The following ADARB1 variants were observed in gnomAD, a reference collection of about 807,000 sequenced individuals.
The protein encoded by ADARB1 is adenosine deaminase RNA specific B1.
A neutral mutation model predicts 52.4 loss-of-function variants in ADARB1; 10 were observed. The ratio of observed to expected loss-of-function variants is 0.19; its 90% CI spans 0.12 to 0.32. The LOEUF (loss-of-function observed/expected upper bound fraction) is 0.32. ADARB1 is among the 10% of genes least tolerant of loss of function. The pLI is 1.00. For synonymous variants in ADARB1, 349 were observed against 371.1 expected (o/e 0.94, Z 0.68); for missense variants, 643 against 922.3 (o/e 0.70, Z 3.92).
intron 1 of ADARB1, among the ~76,000 whole-genome samples, chr21:45,076,907 T>C (rs2085959238): frequency 6.6e-6 from 1 of 152,236 alleles, no homozygotes; most frequent in East Asian, 1.9e-4. Context: ...TCAAAAATGC[T>C]TCTGGCATAA....
intron 2 of ADARB1, among the ~76,000 whole-genome samples, chr21:45,141,565 C>A (rs2089723733): frequency 6.6e-6 from 1 of 152,236 alleles, no homozygotes; most frequent in South Asian, 2.1e-4. Context: ...GGGTGATAGT[C>A]CCCCTAGGTT....
In ADARB1 at chr21:45,225,752, C is replaced by T. The variant is rs965109085; in HGVS notation, c.*3555C>T. 2.4e-6 allele frequency: 1 copy of T among 414,322 alleles called. No homozygotes were observed. The highest frequency in any genetic ancestry group is 2.0e-5 in the African/African-American group (1 of 49,052). 25.7% of individuals were successfully genotyped at this position (414,322 alleles called of 1,614,324 possible). A position where few individuals can be genotyped will look rare whatever the true frequency, so the allele number is the denominator to read the frequency against. ...AAGAAGGAAAATTGGCCATCTTTCC[C>T]ACCTCTAAATTCTGTAAAATTATAG... On this transcript the variant is annotated 3_prime_UTR_variant, in exon 11 of 11. Coordinates refer to ENST00000348831, the MANE Select transcript of ADARB1 (RefSeq NM_001112.4).
At chr21:45,109,436 T>C (rs973570153) in intron 1 of ADARB1, among the ~76,000 whole-genome samples, 1 of 152,232 alleles carries the variant, frequency 6.6e-6, no homozygotes, top group Non-Finnish European at 1.5e-5. Context: ...TAGGCTGTTT[T>C]TCTGTGACCT....
At chr21:45,189,974 G>A (rs1396625868) in intron 8 of ADARB1, among the ~76,000 whole-genome samples, 2 of 151,974 alleles carry the variant, frequency 1.3e-5, no homozygotes, top group East Asian at 3.9e-4. Flanking sequence ...AACTTGTATG[G>A]TCCATTTTTT....
intron 7 of ADARB1, among the ~76,000 whole-genome samples, chr21:45,184,019 G>A (rs918205525): frequency 3.3e-5 from 5 of 151,960 alleles, no homozygotes; most frequent in Admixed American, 3.3e-4. Flanking sequence ...AAGCCCTTAG[G>A]CATTGTTTAT....
chr21:45,218,863 G>C (rs1197402771), intron 9 of ADARB1, among the ~76,000 whole-genome samples: 1 of 111,828 alleles, frequency 8.9e-6, no homozygotes, highest in Admixed American at 8.7e-5. Context: ...TTCAGAATAT[G>C]AGTCTGCCCA....
At chr21:45,211,707 G>T (rs951681207) in intron 9 of ADARB1, among the ~76,000 whole-genome samples, 2 of 152,156 alleles carry the variant, frequency 1.3e-5, no homozygotes, top group African/African-American at 4.8e-5. Context: ...TTCTGATTCA[G>T]CACACTTAAT....
chr21:45,174,064 C>G (rs999858834), intron 3 of ADARB1, among the ~76,000 whole-genome samples: 2 of 152,134 alleles, frequency 1.3e-5, no homozygotes, highest in Non-Finnish European at 2.9e-5. Context: ...TTTAAACATT[C>G]CCATGGATGA....
intron 3 of ADARB1, among the ~76,000 whole-genome samples, chr21:45,175,249 T>C (rs2091645464): frequency 1.3e-5 from 2 of 152,188 alleles, no homozygotes; most frequent in South Asian, 4.1e-4. Context: ...TGAGAGACGC[T>C]GCAATTTAAA....
In ADARB1 at chr21:45,217,896, T is replaced by G. The variant is rs2092897271; in HGVS notation, c.1748-2940T>G. 2.0e-5 allele frequency among the ~76,000 whole-genome samples: 3 copies of G among 152,346 alleles called. No homozygotes were observed. In the South Asian group the frequency reaches 6.2e-4, roughly 32 times the overall value. ...ACTTTAAAGACATTGCTTCCCTGAC[T>G]TGTTGTTTGCGTTGTTTCCAGTAAG... On this transcript the variant is annotated intron_variant, in intron 9 of 10. Transcript: ENST00000348831.
intron 2 of ADARB1, among the ~76,000 whole-genome samples, chr21:45,135,782 G>C (rs546967390): frequency 1.2e-4 from 19 of 152,212 alleles, no homozygotes; most frequent in Admixed American, 1.2e-3. Flanking sequence ...CAGCAGAAAG[G>C]TGTGGCCACA....
rs1405779239 is a variant in ADARB1, at chr21:45,208,614, G to GTA, written c.1747+3879_1747+3880insAT. Among the ~76,000 whole-genome samples, 5 of 152,052 alleles carry GTA rather than the reference G, an allele frequency of 3.3e-5. No individual in the cohort carries two copies. Among genetic ancestry groups the GTA allele is most frequent in the African/African-American group, 1.2e-4 (5 of 41,376 alleles). ...CTGTGAGAGTGTGGAAAGTGTGTGT[G>GTA]TGTATGTGTGCGTGTGTGTGTGTGT... On this transcript the variant is annotated intron_variant, in intron 9 of 10. Coordinates refer to ENST00000348831, the MANE Select transcript of ADARB1 (RefSeq NM_001112.4). This position sits in a 1 kb window ranked among gnomAD's most constrained non-coding sequence, Gnocchi z 5.6.
In ADARB1 at chr21:45,223,069, C is replaced by A; in HGVS notation, c.*872C>A. On this transcript the variant is annotated 3_prime_UTR_variant, in exon 11 of 11. Coordinates refer to ENST00000348831, the MANE Select transcript of ADARB1 (RefSeq NM_001112.4). The stretch of plus-strand genomic sequence containing the variant: ...TTAAAGGATATTTAACTTTTATGGA[C>A]TAGAAGGAATCACGAGGGCTACTGC... 6.1e-6 allele frequency: 6 copies of A among 985,430 alleles called. No homozygotes were observed. Among genetic ancestry groups the A allele is most frequent in the Non-Finnish European group, 7.2e-6 (6 of 829,918 alleles). The allele number at this position is 985,430 out of a possible 1,614,324, so 61.0% of individuals were successfully genotyped here. A position where few individuals can be genotyped will look rare whatever the true frequency, so the allele number is the denominator to read the frequency against.
chr21:45,152,926 T>C (rs1361109801), intron 2 of ADARB1, among the ~76,000 whole-genome samples: 1 of 152,220 alleles, frequency 6.6e-6, no homozygotes, highest in East Asian at 1.9e-4. Flanking sequence ...TAAACATGAA[T>C]AGAAATCATT....
chr21:45,091,430 A>T (rs993663057), intron 1 of ADARB1, among the ~76,000 whole-genome samples: 1 of 152,210 alleles, frequency 6.6e-6, no homozygotes, highest in Non-Finnish European at 1.5e-5. Context: ...TTGTAATACT[A>T]CAGTTTGGTG....
intron 2 of ADARB1, among the ~76,000 whole-genome samples, chr21:45,134,534 G>A (rs1569049682): frequency 6.6e-6 from 1 of 151,812 alleles, no homozygotes; most frequent in Non-Finnish European, 1.5e-5. Context: ...TGTCTGACAT[G>A]GGTGTGTGCA....
chr21:45,180,176 C>A (rs1359298143), intron 4 of ADARB1, among the ~76,000 whole-genome samples, 154 bp from the exon 5 acceptor site: 1 of 152,234 alleles, frequency 6.6e-6, no homozygotes, highest in South Asian at 2.1e-4. Context: ...AAGAAACATA[C>A]ACACATACTT....
chr21:45,126,576 CAT>C (rs1283323555), intron 1 of ADARB1, among the ~76,000 whole-genome samples: 10 of 152,324 alleles, frequency 6.6e-5, no homozygotes, highest in African/African-American at 2.4e-4. Context: ...GTCCTGTCCT[CAT>C]AGGAGCAAGC....
rs746103237 is a variant in ADARB1 at position 45,208,634 on chromosome 21, G to A, written c.1747+3898G>A. Among the ~76,000 whole-genome samples, 1 of 152,048 alleles carries A rather than the reference G, an allele frequency of 6.6e-6. No homozygotes were observed. The highest frequency in any genetic ancestry group is 6.5e-5 in the Admixed American group (1 of 15,276). On this transcript the variant is annotated intron_variant, in intron 9 of 10. Transcript: ENST00000348831. This position sits in a 1 kb window ranked among gnomAD's most constrained non-coding sequence, Gnocchi z 5.6. ...TGTGTGTGTATGTGTGCGTGTGTGT[G>A]TGTGTGAGTGCATGTGAGTGTGTGC...
Sources: gnomAD v4.1 joint callset for allele counts (sites outside exome capture counted in the v4.1 genomes callset) on GRCh38, gnomAD v4.1.1 for gene constraint, Gnocchi (gnomAD v3.1) non-coding constraint, MANE v1.5 for transcripts, NCBI Gene and HGNC (gene_info 2026-07-23, HGNC 2026-07-21) for gene names.